BEND7: variants seen among roughly 807,000 people sequenced by gnomAD.
BEND7 encodes the protein BEN domain-containing protein 7.
Under a neutral mutation model 50.9 loss-of-function variants are expected in BEND7, and 28 were observed. The observed-to-expected ratio is 0.55, with a 90% CI of 0.41 to 0.75. The LOEUF (loss-of-function observed/expected upper bound fraction) is 0.75, where lower values mean the gene tolerates loss of function less well. Among genes scored for constraint, BEND7 ranks in the 30% least tolerant of loss-of-function variants. The probability of loss-of-function intolerance (pLI) is 0.00; values close to 1 mark genes in which losing one functional copy is unlikely to be tolerated. For missense variants in BEND7, 477 were observed against 491.3 expected, an observed-to-expected ratio of 0.97 and a Z score of 0.28; for synonymous variants, 170 against 183.9, an observed-to-expected ratio of 0.92 and a Z score of 0.61.
chr10:13,452,765 T>G (rs988124527), intron 6 of BEND7, 107 bp from the exon 7 acceptor site: 29 of 1,040,886 alleles, frequency 2.8e-5, no homozygotes, highest in Non-Finnish European at 3.7e-5. Flanking sequence ...CTAAAGGAGG[T>G]CAGTTCTGCA....
intron 6 of BEND7, among the ~76,000 whole-genome samples, chr10:13,466,287 C>T (rs1221537277): frequency 4.0e-5 from 6 of 150,840 alleles, no homozygotes; most frequent in Non-Finnish European, 5.9e-5. Flanking sequence ...ATAGGCCGGG[C>T]GCAGTGGTTC....
At chr10:13,464,397 G>C (rs2074018980) in intron 6 of BEND7, among the ~76,000 whole-genome samples, 1 of 152,206 alleles carries the variant, frequency 6.6e-6, no homozygotes, top group African/African-American at 2.4e-5. Flanking sequence ...TGAAACACAG[G>C]CAAGTTGCAA....
intron 6 of BEND7, among the ~76,000 whole-genome samples, chr10:13,464,150 C>T (rs956376956): frequency 1.1e-4 from 16 of 152,338 alleles, no homozygotes; most frequent in African/African-American, 3.1e-4. Flanking sequence ...CCTTGTTACT[C>T]GGCCGTTCCA....
chr10:13,491,863 C>T (rs2076688546), intron 5 of BEND7, among the ~76,000 whole-genome samples: 1 of 152,070 alleles, frequency 6.6e-6, no homozygotes, highest in Admixed American at 6.6e-5. Context: ...AGAACAGATC[C>T]CCCATTCTTG....
chr10:13,441,449 ACATCTTTGGG>A lies in BEND7; in HGVS notation c.*284_*293del. 8.8e-7 allele frequency: 1 copy of A among 1,130,550 alleles called. No homozygotes were observed. Among genetic ancestry groups the A allele is most frequent in the Non-Finnish European group, 1.1e-6 (1 of 933,236 alleles). The allele number at this position is 1,130,550 out of a possible 1,614,324, so 70.0% of individuals were successfully genotyped here. On this transcript the variant is annotated 3_prime_UTR_variant, in exon 9 of 9. Coordinates refer to ENST00000466271, the MANE Select transcript of BEND7 (RefSeq NM_001369863.1). The stretch of plus-strand genomic sequence containing the variant: ...CAGTGTGTAGATCCGTTCATCGCAC[ACATCTTTGGG>A]TTGAACAAGCTCCACCCGTCCTCAA...
intron 6 of BEND7, among the ~76,000 whole-genome samples, chr10:13,473,223 T>TA (rs1284143077): frequency 2.6e-5 from 4 of 152,010 alleles, no homozygotes; most frequent in African/African-American, 9.7e-5. Flanking sequence ...TCATCACTGT[T>TA]AGACTCAGGG....
chr10:13,450,022 T>C (rs370324375), intron 7 of BEND7, among the ~76,000 whole-genome samples: 3 of 152,242 alleles, frequency 2.0e-5, no homozygotes, highest in African/African-American at 7.2e-5. Context: ...TAACACGATA[T>C]ATTGTGATTT....
At chr10:13,524,033 C>A (rs1028568211) in intron 2 of BEND7, among the ~76,000 whole-genome samples, 3 of 152,230 alleles carry the variant, frequency 2.0e-5, no homozygotes, top group Non-Finnish European at 4.4e-5. Flanking sequence ...ATTCTTGCAT[C>A]TTCCTCAACT....
chr10:13,490,473 T>A (rs1479771510), intron 5 of BEND7, among the ~76,000 whole-genome samples: 1 of 152,208 alleles, frequency 6.6e-6, no homozygotes, highest in Non-Finnish European at 1.5e-5. Context: ...TCAGTCCCCG[T>A]GTCCCTCCTG....
Position 13,476,048 on chromosome 10 carries a change from A to C in BEND7, c.1063+4851T>G, listed in dbSNP as rs58729815. Among the ~76,000 whole-genome samples, 647 of 152,324 alleles carry C rather than the reference A, an allele frequency of 4.2e-3. 11 individuals carry two copies. The highest frequency in any genetic ancestry group is 0.015 in the African/African-American group (623 of 41,564). ...AATAAATCGATGCAAATTCCACCCC[A>C]ACCGTATTAATTTAAATCTACGTGA... On this transcript the variant is annotated intron_variant, in intron 6 of 8. Transcript: ENST00000466271.
At chr10:13,464,699 T>A (rs1001803163) in intron 6 of BEND7, among the ~76,000 whole-genome samples, 15 of 152,234 alleles carry the variant, frequency 9.9e-5, no homozygotes, top group Non-Finnish European at 2.9e-5. Context: ...AGAGGAACAC[T>A]ATTATTTCAA....
intron 6 of BEND7, among the ~76,000 whole-genome samples, chr10:13,464,402 T>A: frequency 6.6e-6 from 1 of 152,330 alleles, no homozygotes; most frequent in Non-Finnish European, 1.5e-5. Context: ...CACAGGCAAG[T>A]TGCAAAAGTA....
intron 6 of BEND7, among the ~76,000 whole-genome samples, chr10:13,455,306 G>A (rs748969258): frequency 3.9e-5 from 6 of 152,096 alleles, no homozygotes; most frequent in Non-Finnish European, 8.8e-5. Context: ...AGGAGAAGGT[G>A]GAGGCAGAAG....
At position 13,441,601 on chromosome 10, in the gene BEND7, T is replaced by A; in HGVS notation, c.*142A>T. On this transcript the variant is annotated 3_prime_UTR_variant, in exon 9 of 9. Transcript: ENST00000466271. ...AGCGTTTCTGCCTTGACCAGCAACATACTCATCCTATTTTAACACGGCGAA... is the reference window on the plus strand; with the variant it reads ...AGCGTTTCTGCCTTGACCAGCAACAAACTCATCCTATTTTAACACGGCGAA... 6.6e-7 allele frequency: 1 copy of A among 1,518,030 alleles called. No individual in the cohort carries two copies. Among genetic ancestry groups the A allele is most frequent in the Non-Finnish European group, 8.8e-7 (1 of 1,133,440 alleles). The allele number at this position is 1,518,030 out of a possible 1,614,324, so 94.0% of individuals were successfully genotyped here.
chr10:13,472,890 G>A lies in BEND7; in HGVS notation c.1063+8009C>T, dbSNP rs533651994. ...GATACCCATCATCACTCTTAGACTC[G>A]GGGTTGATACTCATCATCACTGTTA... On this transcript the variant is annotated intron_variant, in intron 6 of 8. Coordinates refer to ENST00000466271, the MANE Select transcript of BEND7 (RefSeq NM_001369863.1). Among the ~76,000 whole-genome samples, 12 of 149,588 alleles carry A rather than the reference G, an allele frequency of 8.0e-5. No homozygotes were observed. In the South Asian group the frequency reaches 2.3e-3, roughly 29 times the overall value.
chr10:13,495,401 C>A (rs1221628118), intron 4 of BEND7, among the ~76,000 whole-genome samples: 1 of 152,252 alleles, frequency 6.6e-6, no homozygotes, highest in African/African-American at 2.4e-5. Flanking sequence ...GTGGCTCACG[C>A]CTGTAATCCC....
rs2079569114 is a variant in BEND7 at position 13,528,588 on chromosome 10, GCA to G, written c.-57_-56del. On this transcript the variant is annotated 5_prime_UTR_variant, in exon 1 of 9. Coordinates refer to ENST00000466271, the MANE Select transcript of BEND7 (RefSeq NM_001369863.1). Reference sequence around the variant, plus strand: ...GGAGGCGGCGGCAGCGGCGGCAGCGGCAGCGGCGGCAGCGGCAGCGGCGGCGC... The same window carrying G: ...GGAGGCGGCGGCAGCGGCGGCAGCGGGCGGCGGCAGCGGCAGCGGCGGCGC... 3 of 840,048 alleles carry G rather than the reference GCA, an allele frequency of 3.6e-6. No individual in the cohort carries two copies. In the South Asian group the frequency reaches 1.8e-4, roughly 50 times the overall value. The allele number at this position is 840,048 out of a possible 1,614,324, so 52.0% of individuals were successfully genotyped here.
rs1032734201 is a variant in BEND7 at position 13,441,567 on chromosome 10, T to C, written c.*176A>G. ...CAGCAGATCTCTTAACAGACCACAG[T>C]TGGAAGTTAGCGTTTCTGCCTTGAC... On this transcript the variant is annotated 3_prime_UTR_variant, in exon 9 of 9. Transcript: ENST00000466271. The C allele has an allele frequency of 4.1e-6, 6 of 1,452,038 alleles. No individual in the cohort carries two copies. The African/African-American group carries it at 4.3e-5, about 10-fold the overall frequency. 89.9% of individuals were successfully genotyped at this position (1,452,038 alleles called of 1,614,324 possible).
rs192263470 is a variant in BEND7, at chr10:13,505,504, G to A, written c.146-5424C>T. ...GCCACATGGGGCAGACACCCGCTCT[G>A]GCCTGCGTGTGTGTGGCCTCCAGGG... On this transcript the variant is annotated intron_variant, in intron 2 of 8. Transcript: ENST00000466271. 2.3e-3 allele frequency among the ~76,000 whole-genome samples: 350 copies of A among 152,330 alleles called. 1 individual carries two copies. The highest frequency in any genetic ancestry group is 8.2e-3 in the African/African-American group (340 of 41,576).
Sources: allele counts gnomAD v4.1 joint callset (sites outside exome capture counted in the v4.1 genomes callset), GRCh38; gene constraint gnomAD v4.1.1; transcripts MANE v1.5; gene names NCBI Gene and HGNC (gene_info 2026-07-23, HGNC 2026-07-21).